Variants in CNTN5 observed in about 807,000 individuals in gnomAD.
CNTN5 encodes the protein contactin 5.
In CNTN5, 77 loss-of-function variants were observed where a neutral mutation model predicts 129.1. The ratio of observed to expected loss-of-function variants is 0.60; its 90% CI spans 0.50 to 0.72. CNTN5 has a LOEUF of 0.72. Ranked by LOEUF, CNTN5 falls within the 30% of genes least tolerant of loss-of-function variation. CNTN5 has a pLI of 0.00. For missense variants in CNTN5, 1,478 were observed against 1,328.8 expected (o/e 1.11, Z -1.75); for synonymous variants, 509 against 465.6 (o/e 1.09, Z -1.20).
At chr11:100,037,628 T>C (rs942542513) in intron 9 of CNTN5, among the ~76,000 whole-genome samples, 22 of 152,218 alleles carry the variant, frequency 1.4e-4, no homozygotes, top group Admixed American at 5.2e-4. Flanking sequence ...AACTATTGAT[T>C]ATTGCCACAA....
At chr11:99,910,733 G>C (rs1033556669) in intron 6 of CNTN5, among the ~76,000 whole-genome samples, 1 of 152,028 alleles carries the variant, frequency 6.6e-6, no homozygotes, top group Non-Finnish European at 1.5e-5. Flanking sequence ...TATGTTAGTA[G>C]CTAGTGTAAC....
intron 3 of CNTN5, among the ~76,000 whole-genome samples, chr11:99,572,822 G>A (rs1370783970): frequency 6.6e-6 from 1 of 152,008 alleles, no homozygotes; most frequent in African/African-American, 2.4e-5. Flanking sequence ...TAGAAGAATT[G>A]AGAATGGAAG....
At chr11:99,803,891 G>C (rs1946189841) in intron 3 of CNTN5, among the ~76,000 whole-genome samples, 1 of 152,156 alleles carries the variant, frequency 6.6e-6, no homozygotes, top group Non-Finnish European at 1.5e-5. Flanking sequence ...AAAGCTCACA[G>C]AATTGATCTT....
chr11:100,010,020 T>C (rs1228213127), intron 9 of CNTN5, among the ~76,000 whole-genome samples: 2 of 152,142 alleles, frequency 1.3e-5, no homozygotes, highest in East Asian at 1.9e-4. Context: ...AATGGGGTTA[T>C]TGTGGATATT....
At chr11:99,513,804 G>A (rs1946937194) in intron 2 of CNTN5, among the ~76,000 whole-genome samples, 2 of 152,026 alleles carry the variant, frequency 1.3e-5, no homozygotes, top group African/African-American at 4.8e-5. Flanking sequence ...GAGCTCTGAT[G>A]GAGATGTACA....
At chr11:99,717,986 C>T (rs141728983) in intron 3 of CNTN5, among the ~76,000 whole-genome samples, 34 of 152,194 alleles carry the variant, frequency 2.2e-4, no homozygotes, top group African/African-American at 6.5e-4. Context: ...CGTTTCATTG[C>T]GAATTTCAAC....
chr11:99,123,669 T>A (rs12417455), intron 1 of CNTN5, among the ~76,000 whole-genome samples: 35,794 of 146,064 alleles, frequency 0.25, 4,645 homozygotes, highest in Non-Finnish European at 0.3. Flanking sequence ...TTTTTTTTTT[T>A]ATAGTTTTAG....
At chr11:99,616,196 TC>T (rs1950756162) in intron 3 of CNTN5, among the ~76,000 whole-genome samples, 1 of 152,216 alleles carries the variant, frequency 6.6e-6, no homozygotes, top group Admixed American at 6.5e-5. Flanking sequence ...CTTTTATAAG[TC>T]CGCTCTGTTC....
intron 3 of CNTN5, among the ~76,000 whole-genome samples, chr11:99,679,780 GGCGAAA>G (rs1262806382): frequency 3.5e-4 from 53 of 152,356 alleles, no homozygotes; most frequent in African/African-American, 1.2e-3. Context: ...AGGCGGGCAT[GGCGAAA>G]GCCAAGATAA....
intron 21 of CNTN5, among the ~76,000 whole-genome samples, chr11:100,313,588 C>T (rs1951517015): frequency 6.6e-6 from 1 of 151,858 alleles, no homozygotes; most frequent in African/African-American, 2.4e-5. Context: ...GTAGAACATG[C>T]CAGTTTGGAG....
intron 1 of CNTN5, among the ~76,000 whole-genome samples, chr11:99,246,372 G>T (rs1861817604): frequency 6.6e-6 from 1 of 152,132 alleles, no homozygotes. Context: ...AGCAGACCCT[G>T]GAAAATTGGC....
intron 1 of CNTN5, among the ~76,000 whole-genome samples, chr11:99,291,945 A>G (rs1864187752): frequency 2.0e-5 from 3 of 152,102 alleles, no homozygotes; most frequent in Admixed American, 1.3e-4. Flanking sequence ...GATTTTGCAA[A>G]CTGGATTGAT....
intron 3 of CNTN5, among the ~76,000 whole-genome samples, chr11:99,807,456 ATAAT>A (rs1301802048): frequency 1.3e-5 from 2 of 152,230 alleles, no homozygotes; most frequent in African/African-American, 2.4e-5. Flanking sequence ...ATTGAAATAT[ATAAT>A]TAATTAAATG....
At chr11:99,922,076 T>C (rs570889027) in intron 7 of CNTN5, among the ~76,000 whole-genome samples, 22 of 152,228 alleles carry the variant, frequency 1.4e-4, no homozygotes, top group African/African-American at 5.3e-4. Context: ...CCGGGTAATT[T>C]ATAAAGAAAA....
chr11:99,519,821 C>T (rs532916698), intron 2 of CNTN5, among the ~76,000 whole-genome samples: 2 of 152,144 alleles, frequency 1.3e-5, no homozygotes, highest in South Asian at 2.1e-4. Flanking sequence ...AGTTGATATG[C>T]CCTAATTCTC....
chr11:99,659,706 C>G (rs1365949534), intron 3 of CNTN5, among the ~76,000 whole-genome samples: 1 of 152,122 alleles, frequency 6.6e-6, no homozygotes, highest in Non-Finnish European at 1.5e-5. Context: ...TTAAGGCCCT[C>G]ATAGACTGGA....
chr11:100,206,244 A>G (rs770354872), intron 15 of CNTN5, among the ~76,000 whole-genome samples: 32 of 152,128 alleles, frequency 2.1e-4, no homozygotes, highest in Admixed American at 1.8e-3. Flanking sequence ...GTACAAAAGA[A>G]AAAGACTTTA....
At chr11:99,086,470 G>C (rs1413915902) in intron 1 of CNTN5, among the ~76,000 whole-genome samples, 1 of 152,148 alleles carries the variant, frequency 6.6e-6, no homozygotes. Flanking sequence ...GTGAAGTGGG[G>C]GGCCAGTGAG....
intron 1 of CNTN5, among the ~76,000 whole-genome samples, chr11:99,139,821 T>C (rs1859426601): frequency 6.6e-6 from 1 of 152,194 alleles, no homozygotes; most frequent in South Asian, 2.1e-4. Flanking sequence ...AAAAACTTTC[T>C]GTCCTTTACA....
Sources: gnomAD v4.1 joint callset for allele counts (sites outside exome capture counted in the v4.1 genomes callset) on GRCh38, gnomAD v4.1.1 for gene constraint, MANE v1.5 for transcripts, NCBI Gene and HGNC (gene_info 2026-07-23, HGNC 2026-07-21) for gene names.